The following RPS6KA4 variants were observed in gnomAD, a reference collection of about 807,000 sequenced individuals.
RPS6KA4 encodes ribosomal protein S6 kinase A4.
RPS6KA4 carries 38 observed loss-of-function variants against 89.6 expected under a neutral mutation model. That is an observed-to-expected ratio of 0.42 (90% CI 0.33 to 0.56). The LOEUF (loss-of-function observed/expected upper bound fraction) is 0.56. RPS6KA4 is among the 20% of genes least tolerant of loss of function. The pLI, the probability that RPS6KA4 is intolerant of heterozygous loss-of-function variation, is 0.07. For synonymous variants in RPS6KA4, 495 were observed against 492.8 expected, an observed-to-expected ratio of 1.00 and a Z score of -0.06; for missense variants, 873 against 1,098.8, an observed-to-expected ratio of 0.79 and a Z score of 2.90.
At chr11:64,365,213 G>A (rs778237948) in intron 8 of RPS6KA4, 88 bp from the exon 9 acceptor site, 23 of 1,483,086 alleles carry the variant, frequency 1.6e-5, no homozygotes, top group Non-Finnish European at 2.0e-5. Flanking sequence ...CTTGCCTCAT[G>A]GAGGAACTGC....
chr11:64,361,506 A>G lies in RPS6KA4; in HGVS notation c.608A>G (p.Tyr203Cys). 1 of 1,614,170 alleles carries G rather than the reference A, an allele frequency of 6.2e-7. No homozygotes were observed. The highest frequency in any genetic ancestry group is 8.5e-7 in the Non-Finnish European group (1 of 1,180,024). ...RTFSFCGTIE[Y>C]MAPEIIRSKT... is the part of the protein sequence containing the mutation. ...TTCTCCTTCTGTGGCACCATCGAGT[A>G]CATGGCCCCCGAAATCATCCGTAGC... is the stretch of plus-strand genomic sequence containing the variant. Residue 203 changes from tyrosine (Y) to cysteine (C), a missense_variant, in exon 6 of 17, where the codon TAC (tyrosine) becomes TGC (cysteine). By Grantham distance (194) the Tyr-to-Cys change is radical. Coordinates refer to ENST00000334205, the MANE Select transcript of RPS6KA4 (RefSeq NM_003942.3). The surrounding 1 kb of genome is among the most constrained non-coding windows in gnomAD (Gnocchi z 4.7).
At chr11:64,359,763 C>T (rs756115123) in intron 2 of RPS6KA4, 26 of 536,288 alleles carry the variant, frequency 4.8e-5, no homozygotes, top group Non-Finnish European at 7.6e-5. Flanking sequence ...TATGGGATCC[C>T]CCTCCCACAT....
chr11:64,365,932 G>C (rs534359368), intron 9 of RPS6KA4, among the ~76,000 whole-genome samples: 2 of 151,970 alleles, frequency 1.3e-5, no homozygotes, highest in Non-Finnish European at 2.9e-5. Context: ...CCAGCTACTC[G>C]GGAGGCTGAG....
rs780548618 is a variant in RPS6KA4 at position 64,369,872 on chromosome 11, C to A, written c.1776C>A (p.Leu592=). Residue 592 remains leucine, a synonymous_variant, in exon 14 of 17, where the codon CTC becomes CTA. Coordinates refer to ENST00000334205, the MANE Select transcript of RPS6KA4 (RefSeq NM_003942.3). ...AGGGCTACGACGAGTCCTGCGACCT[C>A]TGGAGCCTGGGCGTCATTCTGGTAT... is the stretch of plus-strand genomic sequence containing the variant. ...AQQGYDESCD[L]WSLGVILYMM... is the part of the protein sequence containing the mutation. 1 of 1,552,002 alleles carries A rather than the reference C, an allele frequency of 6.4e-7. No individual in the cohort carries two copies. Among genetic ancestry groups the A allele is most frequent in the South Asian group, 1.2e-5 (1 of 85,044 alleles).
In RPS6KA4 at chr11:64,369,905, G is replaced by C; in HGVS notation, c.1797+12G>C. On this transcript the variant is annotated intron_variant, in intron 14 of 16. Transcript: ENST00000334205. The stretch of plus-strand genomic sequence containing the variant: ...TGGGCGTCATTCTGGTATGGGACGC[G>C]GTCCTTGAGGCGGGGTCAGGGTCGC... 6.6e-7 allele frequency: 1 copy of C among 1,521,924 alleles called. No homozygotes were observed. Among genetic ancestry groups the C allele is most frequent in the Non-Finnish European group, 8.8e-7 (1 of 1,131,022 alleles). The allele number at this position is 1,521,924 out of a possible 1,614,324, so 94.3% of individuals were successfully genotyped here.
At position 64,369,997 on chromosome 11, in the gene RPS6KA4, C is replaced by T. The variant is rs118042145; in HGVS notation, c.1797+104C>T. 1.4e-3 allele frequency: 1,851 copies of T among 1,281,676 alleles called. 30 individuals are homozygous for T. In the East Asian group the frequency reaches 0.035, roughly 24 times the overall value. The allele number at this position is 1,281,676 out of a possible 1,614,324, so 79.4% of individuals were successfully genotyped here. On this transcript the variant is annotated intron_variant, in intron 14 of 16. Transcript: ENST00000334205. ...GGGACAGGGGTCATCTTGGTGGGGG[C>T]GGCTGGGTTTCGTCCGAAGCTGGGA...
chr11:64,364,906 ATTT>A (rs35498968), intron 8 of RPS6KA4, among the ~76,000 whole-genome samples: 3 of 132,484 alleles, frequency 2.3e-5, no homozygotes, highest in Non-Finnish European at 3.2e-5. Flanking sequence ...CGCCCAGCTA[ATTT>A]TTTTTTTTTT....
chr11:64,371,184 C>A, intron 16 of RPS6KA4, 99 bp from the exon 17 acceptor site: 2 of 1,191,174 alleles, frequency 1.7e-6, no homozygotes, highest in Non-Finnish European at 2.4e-6. Context: ...CGGCCTTGAC[C>A]TAGGCGGCTG....
chr11:64,372,032 G>A lies in RPS6KA4; in HGVS notation c.*552G>A, dbSNP rs2037089264. On this transcript the variant is annotated 3_prime_UTR_variant, in exon 17 of 17. Coordinates refer to ENST00000334205, the MANE Select transcript of RPS6KA4 (RefSeq NM_003942.3). The stretch of plus-strand genomic sequence containing the variant: ...TTCTCCCCTGTTGGGGCTAAGGAAG[G>A]AGATAGGTGGCTCCTAAAAGAGGAG... 1 of 152,596 alleles carries A rather than the reference G, an allele frequency of 6.6e-6. No homozygotes were observed. Among genetic ancestry groups the A allele is most frequent in the African/African-American group, 2.4e-5 (1 of 41,476 alleles). The allele number at this position is 152,596 out of a possible 1,614,324, so 9.5% of individuals were successfully genotyped here.
chr11:64,366,637 A>G (rs2036891869), intron 9 of RPS6KA4, among the ~76,000 whole-genome samples: 1 of 152,214 alleles, frequency 6.6e-6, no homozygotes, highest in Non-Finnish European at 1.5e-5. Context: ...CAGAGGTTCC[A>G]GAATATACCT....
chr11:64,370,492 G>A lies in RPS6KA4; in HGVS notation c.1958-71G>A. On this transcript the variant is annotated intron_variant, in intron 15 of 16. Transcript: ENST00000334205. The surrounding 1 kb of genome is among the most constrained non-coding windows in gnomAD (Gnocchi z 4.1). ...GGGATGGGTAGGGGAGGAGAGTGGG[G>A]CTGTTACGATCTCTTTGGGGCTCAG... 6.3e-7 allele frequency: 1 copy of A among 1,598,516 alleles called. No individual in the cohort carries two copies. Among genetic ancestry groups the A allele is most frequent in the Non-Finnish European group, 8.5e-7 (1 of 1,172,096 alleles).
rs76747691 is a variant in RPS6KA4 at position 64,371,174 on chromosome 11, C to T, written c.2122-109C>T. ...GTCGGTCTGGAGGCCAAGGCCCTGT[C>T]GGCCTTGACCTAGGCGGCTGGAGGC... On this transcript the variant is annotated intron_variant, in intron 16 of 16. Coordinates refer to ENST00000334205, the MANE Select transcript of RPS6KA4 (RefSeq NM_003942.3). 2.2e-3 allele frequency: 2,121 copies of T among 978,996 alleles called. 35 individuals carry two copies. In the African/African-American group the frequency reaches 0.024, roughly 11 times the overall value. 60.6% of individuals were successfully genotyped at this position (978,996 alleles called of 1,614,324 possible). A position where few individuals can be genotyped will look rare whatever the true frequency, so the allele number is the denominator to read the frequency against.
At chr11:64,368,923 CCAGGGAGGCG>C (rs2135344115) in intron 12 of RPS6KA4, 126 bp downstream of exon 12, 1 of 876,304 alleles carries the variant, frequency 1.1e-6, no homozygotes, top group Non-Finnish European at 1.8e-6. Context: ...CCCAAAGGGA[CCAGGGAGGCG>C]CAGGGAGTGG....
intron 8 of RPS6KA4, 37 bp downstream of exon 8, chr11:64,362,039 T>C: frequency 6.4e-7 from 1 of 1,574,038 alleles, no homozygotes; most frequent in Non-Finnish European, 8.6e-7. Context: ...TCCTGGTGCA[T>C]ACCCAGGTGG....
chr11:64,369,800 G>T lies in RPS6KA4; in HGVS notation c.1704G>T (p.Thr568=). ...AGAGTCCCGGGGTGCCCATGCAGAC[G>T]CCCTGCTTCACGCTGCAGTACGCTG... ...RPQSPGVPMQ[T]PCFTLQYAAP... The change falls in exon 14 of 17, where the codon ACG becomes ACT. Residue 568 remains threonine (T), a synonymous_variant. Coordinates refer to ENST00000334205, the MANE Select transcript of RPS6KA4 (RefSeq NM_003942.3). 1 of 1,608,542 alleles carries T rather than the reference G, an allele frequency of 6.2e-7. No homozygotes were observed. Among genetic ancestry groups the T allele is most frequent in the South Asian group, 1.1e-5 (1 of 90,368 alleles).
chr11:64,360,732 C>G (rs547665564), intron 4 of RPS6KA4, 140 bp downstream of exon 4: 1 of 741,024 alleles, frequency 1.3e-6, no homozygotes, highest in African/African-American at 1.8e-5. Flanking sequence ...ATTGGAGCTG[C>G]TTCCCCTGGA....
At position 64,361,308 on chromosome 11, in the gene RPS6KA4, C is replaced by T. The variant is rs2036741838; in HGVS notation, c.570+67C>T. ...CTTCTCCTTCCTGCCTCTTCCTGCT[C>T]TGGGCCTGCATTCTGGGGCTGCAGA... On this transcript the variant is annotated intron_variant, in intron 5 of 16. Coordinates refer to ENST00000334205, the MANE Select transcript of RPS6KA4 (RefSeq NM_003942.3). The surrounding 1 kb of genome is among the most constrained non-coding windows in gnomAD (Gnocchi z 4.7). 6.7e-7 allele frequency: 1 copy of T among 1,502,998 alleles called. No individual in the cohort carries two copies. The highest frequency in any genetic ancestry group is 1.4e-5 in the African/African-American group (1 of 72,614). 93.1% of individuals were successfully genotyped at this position (1,502,998 alleles called of 1,614,324 possible). A position where few individuals can be genotyped will look rare whatever the true frequency, so the allele number is the denominator to read the frequency against.
At chr11:64,369,206 G>T (rs964960848) in intron 12 of RPS6KA4, among the ~76,000 whole-genome samples, 2 of 152,186 alleles carry the variant, frequency 1.3e-5, no homozygotes, top group African/African-American at 4.8e-5. Flanking sequence ...CACGAGAATC[G>T]CTTGAACCCG....
In RPS6KA4 at chr11:64,368,503, G is replaced by A. The variant is rs1165919189; in HGVS notation, c.1236G>A (p.Leu412=). ...SPFFQQYELD[L]REPALGQGSF... Reference sequence around the variant, plus strand: ...TCTTCCAGCAGTACGAGCTGGACCTGCGGGAGCCTGCGCTGGGCCAGGGCA... The same window carrying A: ...TCTTCCAGCAGTACGAGCTGGACCTACGGGAGCCTGCGCTGGGCCAGGGCA... Residue 412 remains leucine, a synonymous_variant, in exon 11 of 17, where the codon CTG becomes CTA. Coordinates refer to ENST00000334205, the MANE Select transcript of RPS6KA4 (RefSeq NM_003942.3). 2.6e-6 allele frequency: 4 copies of A among 1,561,872 alleles called. No individual in the cohort carries two copies. In the African/African-American group the frequency reaches 5.4e-5, roughly 21 times the overall value.
Sources: allele counts gnomAD v4.1 joint callset (sites outside exome capture counted in the v4.1 genomes callset), GRCh38; gene constraint gnomAD v4.1.1; non-coding constraint Gnocchi (gnomAD v3.1); transcripts MANE v1.5; gene names NCBI Gene and HGNC (gene_info 2026-07-23, HGNC 2026-07-21).